Variants in ARHGEF6 observed in about 807,000 individuals in gnomAD.
ARHGEF6 encodes rho guanine nucleotide exchange factor 6.
Under a neutral mutation model 70.3 loss-of-function variants are expected in ARHGEF6, and 9 were observed. The observed-to-expected ratio is 0.13, with a 90% CI of 0.08 to 0.22. ARHGEF6 has a LOEUF of 0.22. Ranked by LOEUF, ARHGEF6 falls within the 10% of genes least tolerant of loss-of-function variation. ARHGEF6 has a pLI of 1.00. For missense variants in ARHGEF6, 470 were observed against 563.0 expected (o/e 0.83, Z 1.67); for synonymous variants, 201 against 207.8 (o/e 0.97, Z 0.28).
chrX:136,675,346 G>A (rs767465059), intron 18 of ARHGEF6, among the ~76,000 whole-genome samples: 48 of 108,069 alleles, frequency 4.4e-4, no homozygotes, highest in African/African-American at 1.5e-3. Context: ...CACTGGGACC[G>A]GGGTGGGGGG....
intron 6 of ARHGEF6, among the ~76,000 whole-genome samples, chrX:136,731,012 T>TAA (rs2076930024): frequency 9.0e-6 from 1 of 111,613 alleles, no homozygotes. Flanking sequence ...AGGGGTTATC[T>TAA]AAAAGCTAAA....
intron 9 of ARHGEF6, among the ~76,000 whole-genome samples, chrX:136,701,815 C>T (rs2076576312): frequency 9.7e-6 from 1 of 103,093 alleles, no homozygotes; most frequent in South Asian, 4.6e-4. Context: ...TCACGCCATT[C>T]TCCTGCCTCA....
intron 12 of ARHGEF6, among the ~76,000 whole-genome samples, chrX:136,684,832 G>C (rs1305946969): frequency 9.0e-6 from 1 of 111,596 alleles, no homozygotes; most frequent in Admixed American, 9.5e-5. Flanking sequence ...ACCGTCTTAG[G>C]GGACTCCTTC....
intron 2 of ARHGEF6, among the ~76,000 whole-genome samples, chrX:136,775,602 G>C (rs1005451066): frequency 5.3e-4 from 59 of 111,534 alleles, no homozygotes; most frequent in African/African-American, 1.8e-3. Flanking sequence ...ATTGAACAGG[G>C]AAAAGATGAA....
In ARHGEF6 at chrX:136,682,860, A is replaced by G. The variant is rs757913146; in HGVS notation, c.1393-16T>C. On this transcript the variant is annotated splice_polypyrimidine_tract_variant and intron_variant, in intron 12 of 21. Coordinates refer to ENST00000250617, the MANE Select transcript of ARHGEF6 (RefSeq NM_004840.3). ...CCTCTTTTTCCTGAGAGGGAATGAA[A>G]ATAATACATGAAGAACAGAATTGGA... 1 of 1,150,793 alleles carries G rather than the reference A, an allele frequency of 8.7e-7. No individual in the cohort carries two copies. The highest frequency in any genetic ancestry group is 1.8e-5 in the African/African-American group (1 of 56,782). 94.8% of individuals were successfully genotyped at this position (1,150,793 alleles called of 1,213,427 possible). A position where few individuals can be genotyped will look rare whatever the true frequency, so the allele number is the denominator to read the frequency against.
intron 2 of ARHGEF6, among the ~76,000 whole-genome samples, chrX:136,758,211 C>T (rs190791468): frequency 1.7e-3 from 185 of 106,310 alleles, no homozygotes; most frequent in Non-Finnish European, 2.3e-3. Flanking sequence ...CCACCACGCC[C>T]GGCTAATTTT....
At position 136,722,856 on chromosome X, in the gene ARHGEF6, A is replaced by G. The variant is rs769680806; in HGVS notation, c.732+9246T>C. Among the ~76,000 whole-genome samples the G allele has an allele frequency of 4.4e-5, 5 of 112,673 alleles. No homozygotes were observed. The Admixed American group carries it at 4.7e-4, about 11-fold the overall frequency. Reference sequence around the variant, plus strand: ...CAAAAACTTGCACATGAATGTTCACAGCAGCATTTGTAATAATAACCAAAA... The same window carrying G: ...CAAAAACTTGCACATGAATGTTCACGGCAGCATTTGTAATAATAACCAAAA... On this transcript the variant is annotated intron_variant, in intron 6 of 21. Coordinates refer to ENST00000250617, the MANE Select transcript of ARHGEF6 (RefSeq NM_004840.3).
intron 11 of ARHGEF6, among the ~76,000 whole-genome samples, chrX:136,686,691 TATAC>T (rs1322948627): frequency 7.2e-4 from 38 of 52,968 alleles, no homozygotes; most frequent in East Asian, 1.8e-3. Flanking sequence ...CATATATATA[TATAC>T]ACATATATAT....
intron 6 of ARHGEF6, among the ~76,000 whole-genome samples, chrX:136,727,415 T>TCTCTCTCTCTCTC (rs1569411130): frequency 3.8e-5 from 3 of 78,699 alleles, no homozygotes; most frequent in Admixed American, 3.7e-4. Context: ...CTCTCTCTCT[T>TCTCTCTCTCTCTC]TCTTTCTTTC....
At chrX:136,683,699 C>T (rs183119642) in intron 12 of ARHGEF6, among the ~76,000 whole-genome samples, 298 of 111,848 alleles carry the variant, frequency 2.7e-3, no homozygotes, top group Non-Finnish European at 4.4e-3. Flanking sequence ...AATTAGTATA[C>T]GCAAAAATTA....
chrX:136,730,152 T>C (rs1363479312), intron 6 of ARHGEF6, among the ~76,000 whole-genome samples: 1 of 110,904 alleles, frequency 9.0e-6, no homozygotes, highest in Non-Finnish European at 1.9e-5. Context: ...TAAAAATCAG[T>C]CATTAGTATT....
chrX:136,685,584 G>T, intron 12 of ARHGEF6, 93 bp downstream of exon 12: 6 of 1,045,578 alleles, frequency 5.7e-6, no homozygotes, highest in Non-Finnish European at 7.8e-6. Context: ...TCCAGCCTGA[G>T]TGACAGAACA....
At chrX:136,775,809 T>C (rs1251970571) in intron 2 of ARHGEF6, among the ~76,000 whole-genome samples, 1 of 110,963 alleles carries the variant, frequency 9.0e-6, no homozygotes, top group Non-Finnish European at 1.9e-5. Context: ...TAAAGACTCA[T>C]CCAAAAAGCT....
intron 6 of ARHGEF6, among the ~76,000 whole-genome samples, chrX:136,715,715 C>CCTAACTCTCAG (rs1360545075): frequency 9.1e-6 from 1 of 110,491 alleles, no homozygotes; most frequent in Non-Finnish European, 1.9e-5. Context: ...CTCCAGGGGC[C>CCTAACTCTCAG]CAATATTAGG....
At chrX:136,672,771 CCCAACCAAACAG>C (rs2076238553) in intron 19 of ARHGEF6, among the ~76,000 whole-genome samples, 1 of 112,158 alleles carries the variant, frequency 8.9e-6, no homozygotes, top group Non-Finnish European at 1.9e-5. Flanking sequence ...GGCATGGGGG[CCCAACCAAACAG>C]CTCTCCTGCA....
intron 2 of ARHGEF6, among the ~76,000 whole-genome samples, chrX:136,758,947 T>C (rs1248044740): frequency 1.1e-4 from 12 of 111,830 alleles, no homozygotes; most frequent in Non-Finnish European, 1.9e-5. Context: ...CTATATAAAA[T>C]CTGGCAAATG....
chrX:136,678,140 C>T (rs919036334), intron 16 of ARHGEF6, among the ~76,000 whole-genome samples, 184 bp from the exon 17 acceptor site: 12 of 111,180 alleles, frequency 1.1e-4, no homozygotes, highest in African/African-American at 3.3e-4. Context: ...TGCAAAAGCC[C>T]GAGGAATACA....
chrX:136,771,548 C>A (rs1440462634), intron 2 of ARHGEF6, among the ~76,000 whole-genome samples: 1 of 112,063 alleles, frequency 8.9e-6, no homozygotes, highest in Non-Finnish European at 1.9e-5. Context: ...TGAATTTGGA[C>A]CCGTACCTCC....
intron 10 of ARHGEF6, among the ~76,000 whole-genome samples, chrX:136,690,231 C>A (rs2076445062): frequency 9.0e-6 from 1 of 111,543 alleles, no homozygotes; most frequent in Non-Finnish European, 1.9e-5. Context: ...TGCTCTATCT[C>A]CCACAATAAA....
Sources: gnomAD v4.1 joint callset for allele counts (sites outside exome capture counted in the v4.1 genomes callset) on GRCh38, gnomAD v4.1.1 for gene constraint, MANE v1.5 for transcripts, NCBI Gene and HGNC (gene_info 2026-07-23, HGNC 2026-07-21) for gene names.